Variants in PGR observed in about 807,000 individuals in gnomAD.
PGR encodes the protein nuclear receptor subfamily 3 group C member 3.
Under a neutral mutation model 76.1 loss-of-function variants are expected in PGR, and 25 were observed. That is an observed-to-expected ratio of 0.33 (90% CI 0.24 to 0.46). PGR has a LOEUF of 0.46. PGR is among the 20% of genes least tolerant of loss of function. The pLI, the probability that PGR is intolerant of heterozygous loss-of-function variation, is 1.00. For missense variants in PGR, 1,172 were observed against 1,225.3 expected (o/e 0.96, Z 0.65); for synonymous variants, 579 against 535.0 (o/e 1.08, Z -1.14).
chr11:101,054,402 G>C (rs1184642552), intron 4 of PGR, among the ~76,000 whole-genome samples: 3 of 151,986 alleles, frequency 2.0e-5, no homozygotes, highest in Admixed American at 2.0e-4. Flanking sequence ...TTCAAGTATA[G>C]GTCTACATAA....
At chr11:101,084,540 C>A (rs892115256) in intron 3 of PGR, among the ~76,000 whole-genome samples, 1 of 152,010 alleles carries the variant, frequency 6.6e-6, no homozygotes, top group Non-Finnish European at 1.5e-5. Flanking sequence ...TGCATATAAT[C>A]CCAGCTACTC....
intron 3 of PGR, 137 bp downstream of exon 3, chr11:101,091,623 A>C (rs1861676025): frequency 1.2e-5 from 8 of 681,702 alleles, no homozygotes; most frequent in Non-Finnish European, 2.1e-5. Context: ...TCAGACACTC[A>C]CATGTGCAGA....
intron 3 of PGR, among the ~76,000 whole-genome samples, chr11:101,068,621 T>A (rs1860807734): frequency 6.6e-6 from 1 of 152,128 alleles, no homozygotes; most frequent in Non-Finnish European, 1.5e-5. Context: ...CAAACTATAC[T>A]TCAACTCTAC....
intron 3 of PGR, among the ~76,000 whole-genome samples, chr11:101,087,249 A>G (rs1861528431): frequency 6.6e-6 from 1 of 152,196 alleles, no homozygotes. Flanking sequence ...GACCAATGGA[A>G]CAGAATATAG....
At chr11:101,050,773 G>A (rs1477587103) in intron 5 of PGR, among the ~76,000 whole-genome samples, 1 of 152,062 alleles carries the variant, frequency 6.6e-6, no homozygotes, top group East Asian at 1.9e-4. Context: ...TAATTCTCCT[G>A]AGACTCAGTT....
chr11:101,118,830 C>T (rs1474975938), intron 2 of PGR, among the ~76,000 whole-genome samples: 1 of 152,140 alleles, frequency 6.6e-6, no homozygotes, highest in Non-Finnish European at 1.5e-5. Context: ...GTTCATCGGC[C>T]TCTCCTCAAA....
intron 3 of PGR, among the ~76,000 whole-genome samples, chr11:101,067,055 AC>A (rs1860745896): frequency 6.6e-6 from 1 of 152,144 alleles, no homozygotes. Context: ...GGCCCAACTT[AC>A]CCTTGCATAG....
chr11:101,123,742 GCT>G (rs1862752437), intron 2 of PGR, among the ~76,000 whole-genome samples: 1 of 152,002 alleles, frequency 6.6e-6, no homozygotes, highest in South Asian at 2.1e-4. Context: ...TAACCACCTC[GCT>G]CTGTCCAAAT....
At chr11:101,067,331 A>G (rs1184617566) in intron 3 of PGR, among the ~76,000 whole-genome samples, 1 of 152,204 alleles carries the variant, frequency 6.6e-6, no homozygotes, top group Non-Finnish European at 1.5e-5. Flanking sequence ...TCAGAAAGAA[A>G]AGGCATGAAC....
chr11:101,105,277 C>A (rs1862115362), intron 2 of PGR, among the ~76,000 whole-genome samples: 2 of 152,210 alleles, frequency 1.3e-5, no homozygotes, highest in South Asian at 4.1e-4. Flanking sequence ...AACAGTATCA[C>A]AATGGCTTCT....
At chr11:101,064,331 C>CAAAAAAAAAAAAA (rs10556132) in intron 3 of PGR, among the ~76,000 whole-genome samples, 13 of 39,446 alleles carry the variant, frequency 3.3e-4, no homozygotes, top group African/African-American at 1.2e-3. Context: ...AACTCCACCT[C>CAAAAAAAAAAAAA]AAAAAAAAAA....
intron 4 of PGR, among the ~76,000 whole-genome samples, chr11:101,060,469 G>C (rs1359249725): frequency 6.6e-6 from 1 of 152,100 alleles, no homozygotes; most frequent in East Asian, 1.9e-4. Flanking sequence ...GTACATAATA[G>C]ACATTTATTG....
chr11:101,119,139 G>A (rs1341894005), intron 2 of PGR, among the ~76,000 whole-genome samples: 1 of 152,150 alleles, frequency 6.6e-6, no homozygotes, highest in Non-Finnish European at 1.5e-5. Flanking sequence ...TGATGTGACA[G>A]GGAGGCGGAG....
At chr11:101,047,909 A>G (rs1297916238) in intron 6 of PGR, among the ~76,000 whole-genome samples, 1 of 152,128 alleles carries the variant, frequency 6.6e-6, no homozygotes, top group African/African-American at 2.4e-5. Flanking sequence ...CTGGTGATCA[A>G]TGCAATGCTT....
chr11:101,128,924 C>T lies in PGR; in HGVS notation c.147G>A (p.Ser49=), dbSNP rs113055487. 1.8e-3 allele frequency: 2,983 copies of T among 1,613,080 alleles called. 25 individuals are homozygous for T. The African/African-American group carries it at 0.022, about 12-fold the overall frequency. Residue 49 remains serine, a synonymous_variant, in exon 1 of 8, where the codon TCG becomes TCA. Transcript: ENST00000325455. Reference sequence around the variant, plus strand: ...GCCCGTCCAGGGAGATAGGTATGGCCGAAACTTCAGGCAAGGTGTCCGAGG... The same window carrying T: ...GCCCGTCCAGGGAGATAGGTATGGCTGAAACTTCAGGCAAGGTGTCCGAGG... The part of the protein sequence containing the change: ...SQTSDTLPEV[S]AIPISLDGLL...
intron 2 of PGR, among the ~76,000 whole-genome samples, chr11:101,110,365 G>T (rs1194554661): frequency 6.6e-6 from 1 of 152,200 alleles, no homozygotes; most frequent in Admixed American, 6.5e-5. Context: ...AGCATTAACA[G>T]CAGTTTGGAA....
intron 3 of PGR, among the ~76,000 whole-genome samples, chr11:101,089,073 T>G (rs1027092584): frequency 6.6e-6 from 1 of 152,160 alleles, no homozygotes; most frequent in Admixed American, 6.6e-5. Flanking sequence ...AGTACTATGC[T>G]CAGTACCTCA....
intron 3 of PGR, among the ~76,000 whole-genome samples, chr11:101,089,947 C>T (rs1424872827): frequency 6.6e-6 from 1 of 152,136 alleles, no homozygotes; most frequent in Non-Finnish European, 1.5e-5. Context: ...GCCTGTAATC[C>T]CAGCACTTTA....
At chr11:101,121,889 A>T (rs670872) in intron 2 of PGR, among the ~76,000 whole-genome samples, 1 of 152,034 alleles carries the variant, frequency 6.6e-6, no homozygotes, top group Non-Finnish European at 1.5e-5. Flanking sequence ...AGGACAGGCC[A>T]GGTGTGGTGG....
Sources: allele counts gnomAD v4.1 joint callset (sites outside exome capture counted in the v4.1 genomes callset), GRCh38; gene constraint gnomAD v4.1.1; transcripts MANE v1.5; gene names NCBI Gene and HGNC (gene_info 2026-07-23, HGNC 2026-07-21).